ATXN10: variants seen among roughly 807,000 people sequenced by gnomAD.
ATXN10 encodes ataxin-10.
Under a neutral mutation model 52.9 loss-of-function variants are expected in ATXN10, and 28 were observed. The observed-to-expected ratio is 0.53, with a 90% CI of 0.39 to 0.73. The LOEUF (loss-of-function observed/expected upper bound fraction) is 0.73, where lower values mean the gene tolerates loss of function less well. Among genes scored for constraint, ATXN10 ranks in the 30% least tolerant of loss-of-function variants. ATXN10 has a pLI of 0.00. For synonymous variants in ATXN10, 226 were observed against 221.5 expected, an observed-to-expected ratio of 1.02 and a Z score of -0.18; for missense variants, 565 against 577.0, an observed-to-expected ratio of 0.98 and a Z score of 0.21.
chr22:45,722,798 C>T lies in ATXN10; in HGVS notation c.728+4305C>T, dbSNP rs540166641. 2.0e-5 allele frequency among the ~76,000 whole-genome samples: 3 copies of T among 152,234 alleles called. No homozygotes were observed. The South Asian group carries it at 6.2e-4, about 32-fold the overall frequency. ...CTTCCTGTCCTCACCTCAGGACTGC[C>T]CATTTGGGATCTGCCCCTGATTCAG... On this transcript the variant is annotated intron_variant, in intron 6 of 11. Coordinates refer to ENST00000252934, the MANE Select transcript of ATXN10 (RefSeq NM_013236.4).
At position 45,805,522 on chromosome 22, in the gene ATXN10, C is replaced by G. The variant is rs896377844; in HGVS notation, c.1174-1437C>G. Among the ~76,000 whole-genome samples, 1 of 152,172 alleles carries G rather than the reference C, an allele frequency of 6.6e-6. No homozygotes were observed. Among genetic ancestry groups the G allele is most frequent in the East Asian group, 1.9e-4 (1 of 5,180 alleles). On this transcript the variant is annotated intron_variant, in intron 9 of 11. Transcript: ENST00000252934. This position sits in a 1 kb window ranked among gnomAD's most constrained non-coding sequence, Gnocchi z 4.4. ...CAATGCACTGTTCACGTTACTCAGC[C>G]GTGAAAAGAAATGAAGCGCTGACAT...
intron 9 of ATXN10, among the ~76,000 whole-genome samples, chr22:45,791,581 G>A (rs1048568776): frequency 1.6e-4 from 24 of 152,252 alleles, no homozygotes; most frequent in African/African-American, 5.5e-4. Context: ...GTTCATTGTA[G>A]ATTTTCTGAT....
At chr22:45,768,799 T>C (rs1171681632) in intron 9 of ATXN10, among the ~76,000 whole-genome samples, 1 of 152,186 alleles carries the variant, frequency 6.6e-6, no homozygotes, top group African/African-American at 2.4e-5. Flanking sequence ...AACAAACCAG[T>C]TGTAAAGGAC....
Position 45,780,852 on chromosome 22 carries a change from A to C in ATXN10, c.1174-26107A>C, listed in dbSNP as rs1004411303. On this transcript the variant is annotated intron_variant, in intron 9 of 11. Transcript: ENST00000252934. The surrounding 1 kb of genome is among the most constrained non-coding windows in gnomAD (Gnocchi z 4.0). ...TATCTCTCCAGCTAAATACATCCAG[A>C]ACCCTGTCATCATATATGAAACAAT... 7.2e-5 allele frequency among the ~76,000 whole-genome samples: 11 copies of C among 152,168 alleles called. No individual in the cohort carries two copies. Among genetic ancestry groups the C allele is most frequent in the Admixed American group, 4.6e-4 (7 of 15,282 alleles).
chr22:45,675,687 C>T (rs907256499), intron 1 of ATXN10: 7 of 152,156 alleles, frequency 4.6e-5, no homozygotes, highest in African/African-American at 1.7e-4. Context: ...CATGAGACAC[C>T]CTAAGCCTCT....
intron 7 of ATXN10, among the ~76,000 whole-genome samples, chr22:45,737,771 T>G (rs139126490): frequency 5.0e-4 from 75 of 149,564 alleles, no homozygotes; most frequent in African/African-American, 1.6e-3. Flanking sequence ...TGATCTTGGC[T>G]CACTGCAACC....
At chr22:45,722,814 CCT>C (rs1220702166) in intron 6 of ATXN10, among the ~76,000 whole-genome samples, 2 of 152,106 alleles carry the variant, frequency 1.3e-5, no homozygotes, top group Non-Finnish European at 1.5e-5. Flanking sequence ...GGGATCTGCC[CCT>C]GATTCAGGAT....
intron 10 of ATXN10, among the ~76,000 whole-genome samples, chr22:45,815,699 A>G (rs1297773674): frequency 6.6e-6 from 1 of 151,670 alleles, no homozygotes; most frequent in African/African-American, 2.4e-5. Context: ...AAAGCTCTTG[A>G]GAGTTAAAGT....
rs370162409 is a variant in ATXN10, at chr22:45,843,734, G to A, written c.*63G>A. 745 of 1,510,010 alleles carry A rather than the reference G, an allele frequency of 4.9e-4. No individual in the cohort carries two copies. Among genetic ancestry groups the A allele is most frequent in the Middle Eastern group, 1.1e-3 (6 of 5,460 alleles). 93.5% of individuals were successfully genotyped at this position (1,510,010 alleles called of 1,614,324 possible). A position where few individuals can be genotyped will look rare whatever the true frequency, so the allele number is the denominator to read the frequency against. Reference sequence around the variant, plus strand: ...TTTCATGGATTTTTCATCTTCTACCGTATGTGAAATTGCAAGTGTTTGAAG... The same window carrying A: ...TTTCATGGATTTTTCATCTTCTACCATATGTGAAATTGCAAGTGTTTGAAG... On this transcript the variant is annotated 3_prime_UTR_variant, in exon 12 of 12. Coordinates refer to ENST00000252934, the MANE Select transcript of ATXN10 (RefSeq NM_013236.4). The surrounding 1 kb of genome is among the most constrained non-coding windows in gnomAD (Gnocchi z 4.5).
chr22:45,695,990 A>G (rs1369827367), intron 3 of ATXN10, among the ~76,000 whole-genome samples: 1 of 152,138 alleles, frequency 6.6e-6, no homozygotes, highest in Non-Finnish European at 1.5e-5. Flanking sequence ...GGATCTTGCT[A>G]TTTGATTTTG....
At chr22:45,729,749 A>G in intron 7 of ATXN10, 159 bp downstream of exon 7, 2 of 840,950 alleles carry the variant, frequency 2.4e-6, no homozygotes, top group Non-Finnish European at 1.9e-6. Flanking sequence ...AGATAAGGGA[A>G]AACAGTGTCC....
At chr22:45,782,417 A>G (rs931948245) in intron 9 of ATXN10, among the ~76,000 whole-genome samples, 2 of 152,240 alleles carry the variant, frequency 1.3e-5, no homozygotes, top group Admixed American at 1.3e-4. Flanking sequence ...CCAAGTGTCT[A>G]TCACTAATCG....
intron 10 of ATXN10, among the ~76,000 whole-genome samples, chr22:45,813,426 T>A (rs1928352939): frequency 7.0e-6 from 1 of 143,024 alleles, no homozygotes; most frequent in South Asian, 2.3e-4. Flanking sequence ...GTTTTTTTGT[T>A]TTTTTCTTTT....
At chr22:45,697,738 C>G (rs1302493633) in intron 3 of ATXN10, among the ~76,000 whole-genome samples, 7 of 152,212 alleles carry the variant, frequency 4.6e-5, no homozygotes, top group Admixed American at 4.6e-4. Flanking sequence ...TCACGCCATT[C>G]TCCTGCCTCA....
chr22:45,804,155 C>T (rs1928021795), intron 9 of ATXN10, among the ~76,000 whole-genome samples: 1 of 152,206 alleles, frequency 6.6e-6, no homozygotes, highest in African/African-American at 2.4e-5. Context: ...TCCCTCCCTT[C>T]AGTGTCTGTT....
chr22:45,679,123 C>A (rs181331646), intron 1 of ATXN10: 71 of 152,292 alleles, frequency 4.7e-4, no homozygotes, highest in African/African-American at 1.6e-3. Flanking sequence ...TCTGTGCTTA[C>A]CTCTTTCAAA....
chr22:45,841,123 G>T lies in ATXN10; in HGVS notation c.1238-1868G>T, dbSNP rs1351791647. Among the ~76,000 whole-genome samples, 1 of 152,208 alleles carries T rather than the reference G, an allele frequency of 6.6e-6. No homozygotes were observed. Among genetic ancestry groups the T allele is most frequent in the Non-Finnish European group, 1.5e-5 (1 of 68,050 alleles). Reference sequence around the variant, plus strand: ...GTTCAGTGATCATGGAAAAGAGGCGGATATTCAAATTTAGGTTTAATGCCT... The same window carrying T: ...GTTCAGTGATCATGGAAAAGAGGCGTATATTCAAATTTAGGTTTAATGCCT... On this transcript the variant is annotated intron_variant, in intron 10 of 11. Transcript: ENST00000252934. The surrounding 1 kb of genome is among the most constrained non-coding windows in gnomAD (Gnocchi z 5.1).
At chr22:45,692,763 G>A (rs1308015174) in intron 2 of ATXN10, among the ~76,000 whole-genome samples, 1 of 152,186 alleles carries the variant, frequency 6.6e-6, no homozygotes, top group Non-Finnish European at 1.5e-5. Context: ...TGAGTCATGG[G>A]AAACTTCAGG....
rs1419510812 is a variant in ATXN10, at chr22:45,705,413, C to T, written c.647+2566C>T. Among the ~76,000 whole-genome samples the T allele has an allele frequency of 6.6e-6, 1 of 151,590 alleles. No individual in the cohort carries two copies. Among genetic ancestry groups the T allele is most frequent in the East Asian group, 1.9e-4 (1 of 5,178 alleles). On this transcript the variant is annotated intron_variant, in intron 5 of 11. Coordinates refer to ENST00000252934, the MANE Select transcript of ATXN10 (RefSeq NM_013236.4). The surrounding 1 kb of genome is among the most constrained non-coding windows in gnomAD (Gnocchi z 5.2). ...ATGGGAAGGGTTTTGGTTACTAATTCAAACCTGTTACTTGTTACAGGTCTT... is the reference window on the plus strand; with the variant it reads ...ATGGGAAGGGTTTTGGTTACTAATTTAAACCTGTTACTTGTTACAGGTCTT...
Sources: gnomAD v4.1 joint callset for allele counts (sites outside exome capture counted in the v4.1 genomes callset) on GRCh38, gnomAD v4.1.1 for gene constraint, Gnocchi (gnomAD v3.1) non-coding constraint, MANE v1.5 for transcripts, NCBI Gene and HGNC (gene_info 2026-07-23, HGNC 2026-07-21) for gene names.